Variants in UTP4 observed in about 807,000 individuals in gnomAD.
UTP4 encodes U3 small nucleolar RNA-associated protein 4 homolog.
Under a neutral mutation model 82.4 loss-of-function variants are expected in UTP4, and 45 were observed. The observed-to-expected ratio is 0.55, with a 90% CI of 0.43 to 0.70. UTP4 has a LOEUF of 0.70. UTP4 is among the 30% of genes least tolerant of loss of function. UTP4 has a pLI of 0.00. For synonymous variants in UTP4, 348 were observed against 300.3 expected (o/e 1.16, Z -1.64); for missense variants, 819 against 858.3 (o/e 0.95, Z 0.57).
intron 4 of UTP4, 56 bp downstream of exon 4, chr16:69,137,941 G>A: frequency 9.7e-7 from 1 of 1,031,144 alleles, no homozygotes; most frequent in South Asian, 1.3e-5. Flanking sequence ...TTAAGTTTCT[G>A]TGCCACTGGG....
intron 12 of UTP4, 22 bp downstream of exon 12, chr16:69,157,262 A>AT: frequency 6.2e-7 from 1 of 1,613,216 alleles, no homozygotes; most frequent in South Asian, 1.1e-5. Flanking sequence ...GTAACTGGCC[A>AT]TGGGGAGACT....
intron 5 of UTP4, chr16:69,142,182 C>T (rs1259424213): frequency 6.6e-6 from 1 of 152,220 alleles, no homozygotes; most frequent in Non-Finnish European, 1.5e-5. Flanking sequence ...GCTTGGGTTT[C>T]ACTGAAGAAT....
At chr16:69,137,400 T>C (rs1472145048) in intron 3 of UTP4, among the ~76,000 whole-genome samples, 1 of 152,236 alleles carries the variant, frequency 6.6e-6, no homozygotes, top group Non-Finnish European at 1.5e-5. Flanking sequence ...GTGATGAGTC[T>C]GATTATTTTT....
In UTP4 at chr16:69,155,929, C is replaced by G. The variant is rs1963397929; in HGVS notation, c.1223C>G (p.Ser408Cys). 1 of 1,613,880 alleles carries G rather than the reference C, an allele frequency of 6.2e-7. No individual in the cohort carries two copies. Among genetic ancestry groups the G allele is most frequent in the Non-Finnish European group, 8.5e-7 (1 of 1,179,948 alleles). ...CCATGTGGAAGTTGGATAGCCTATT[C>G]TACAGTTTCTCGGTTTTTTCTCTAT... ...ISPCGSWIAY[S>C]TVSRFFLYRL... Residue 408 changes from serine to cysteine, a missense_variant, in exon 11 of 17, where the codon TCT becomes TGT. By Grantham distance (112) the Ser-to-Cys change is moderately radical. Coordinates refer to ENST00000314423, the MANE Select transcript of UTP4 (RefSeq NM_032830.3).
chr16:69,148,018 A>G (rs947497679), intron 6 of UTP4, among the ~76,000 whole-genome samples: 4 of 151,708 alleles, frequency 2.6e-5, no homozygotes, highest in African/African-American at 9.7e-5. Context: ...CAGTGGCGTG[A>G]TCTCCGCTCA....
intron 11 of UTP4, 104 bp from the exon 12 acceptor site, chr16:69,156,980 T>TA: frequency 8.2e-7 from 1 of 1,220,868 alleles, no homozygotes; most frequent in African/African-American, 1.5e-5. Flanking sequence ...TTGGCTTACT[T>TA]AGAGACAGGA....
intron 8 of UTP4, 30 bp from the exon 9 acceptor site, chr16:69,153,554 T>C (rs774862302): frequency 1.4e-5 from 22 of 1,557,112 alleles, no homozygotes; most frequent in Non-Finnish European, 1.9e-5. Flanking sequence ...CCCTGACTTA[T>C]TTTTTTAACT....
chr16:69,152,486 T>C (rs1963299910), intron 8 of UTP4, among the ~76,000 whole-genome samples: 1 of 147,784 alleles, frequency 6.8e-6, no homozygotes, highest in Non-Finnish European at 1.5e-5. Context: ...TTTTTTTTTT[T>C]GAGACAGAGC....
intron 2 of UTP4, among the ~76,000 whole-genome samples, chr16:69,136,337 C>T (rs1304717296): frequency 2.0e-5 from 3 of 152,194 alleles, no homozygotes; most frequent in African/African-American, 4.8e-5. Flanking sequence ...AAACAATCCT[C>T]CCCCGTCAGC....
chr16:69,154,565 C>G, intron 10 of UTP4, 108 bp downstream of exon 10: 2 of 871,474 alleles, frequency 2.3e-6, no homozygotes, highest in Non-Finnish European at 3.8e-6. Context: ...TGTATAAATT[C>G]TAAAACTATT....
chr16:69,163,095 G>A lies in UTP4; in HGVS notation c.1564G>A (p.Val522Met), dbSNP rs750196540. ...NVKQLKLHCT[V>M]PAYNFPVTAM... ...TATTTGTTCCCAGCTTCACTGCACG[G>A]TGCCTGCTTACAATTTCCCAGTGAC... Residue 522 changes from valine (V) to methionine (M), a missense_variant, in exon 14 of 17, where the codon GTG (valine) becomes ATG (methionine). Val to Met is a conservative substitution (Grantham distance 21). Coordinates refer to ENST00000314423, the MANE Select transcript of UTP4 (RefSeq NM_032830.3). 1.2e-6 allele frequency: 2 copies of A among 1,613,916 alleles called. No homozygotes were observed.
At chr16:69,158,161 CTTTTTTT>C (rs34392768) in intron 12 of UTP4, among the ~76,000 whole-genome samples, 96 of 40,402 alleles carry the variant, frequency 2.4e-3, no homozygotes, top group African/African-American at 8.0e-3. Flanking sequence ...AAAGTCAACT[CTTTTTTT>C]TTTTTTTTTT....
At chr16:69,164,091 A>G (rs1362174489) in intron 14 of UTP4, among the ~76,000 whole-genome samples, 4 of 151,830 alleles carry the variant, frequency 2.6e-5, no homozygotes, top group East Asian at 1.9e-4. Context: ...TCACCATGTT[A>G]GCCAGGATGG....
At chr16:69,160,835 A>G (rs938710100) in intron 13 of UTP4, among the ~76,000 whole-genome samples, 12 of 152,054 alleles carry the variant, frequency 7.9e-5, no homozygotes, top group East Asian at 1.9e-4. Flanking sequence ...AGCTCAGGCA[A>G]TCCGCCCACC....
intron 2 of UTP4, among the ~76,000 whole-genome samples, chr16:69,136,404 T>C (rs1962816466): frequency 6.6e-6 from 1 of 152,210 alleles, no homozygotes; most frequent in Non-Finnish European, 1.5e-5. Flanking sequence ...CTTTTTATAT[T>C]TTTTGTAGAG....
At position 69,133,534 on chromosome 16, in the gene UTP4, T is replaced by C; in HGVS notation, c.75T>C (p.Asn25=). 1 of 1,614,142 alleles carries C rather than the reference T, an allele frequency of 6.2e-7. No homozygotes were observed. Among genetic ancestry groups the C allele is most frequent in the Middle Eastern group, 1.6e-4 (1 of 6,062 alleles). The change falls in exon 2 of 17, where the codon AAT becomes AAC. Residue 25 remains asparagine (N), a synonymous_variant. Transcript: ENST00000314423. ...CAGGAATCCGCTGTGTGGCTTACAATAACCAGTCAAACAGATTGGCTGTTT... is the reference window on the plus strand; with the variant it reads ...CAGGAATCCGCTGTGTGGCTTACAACAACCAGTCAAACAGATTGGCTGTTT... ...VPSGIRCVAY[N]NQSNRLAVSR... is the part of the protein sequence containing the mutation.
chr16:69,143,064 C>T (rs1963007037), intron 5 of UTP4, 114 bp from the exon 6 acceptor site: 7 of 1,070,694 alleles, frequency 6.5e-6, no homozygotes, highest in East Asian at 2.4e-5. Flanking sequence ...CACTTCGTTG[C>T]CTAGGCTGGC....
intron 2 of UTP4, among the ~76,000 whole-genome samples, chr16:69,136,339 C>G (rs1962813867): frequency 6.6e-6 from 1 of 152,212 alleles, no homozygotes; most frequent in African/African-American, 2.4e-5. Flanking sequence ...ACAATCCTCC[C>G]CCGTCAGCCT....
In UTP4 at chr16:69,137,895, A is replaced by AT; in HGVS notation, c.436+15dup. The AT allele has an allele frequency of 6.4e-7, 1 of 1,553,836 alleles. No individual in the cohort carries two copies. Among genetic ancestry groups the AT allele is most frequent in the Non-Finnish European group, 8.9e-7 (1 of 1,125,104 alleles). The stretch of plus-strand genomic sequence containing the variant: ...TTTGATCGGCAGAAAAGTAAGCGTC[A>AT]TTTTTCATGGGGCGGTAAATAGCCT... On this transcript the variant is annotated intron_variant, in intron 4 of 16. Transcript: ENST00000314423.
Sources: allele counts gnomAD v4.1 joint callset (sites outside exome capture counted in the v4.1 genomes callset), GRCh38; gene constraint gnomAD v4.1.1; transcripts MANE v1.5; gene names NCBI Gene and HGNC (gene_info 2026-07-23, HGNC 2026-07-21).